ARB2A: variants seen among roughly 807,000 people sequenced by gnomAD.
ARB2A encodes cotranscriptional regulator ARB2A.
chr5:93,795,585 C>G, the ARB2A span, among the ~76,000 whole-genome samples: 2 of 152,108 alleles, frequency 1.3e-5, no homozygotes, highest in Admixed American at 6.5e-5. Flanking sequence ...TAGTCCTGCC[C>G]CCATCTGCCA....
the ARB2A span, among the ~76,000 whole-genome samples, chr5:93,969,869 T>C: frequency 6.6e-6 from 1 of 152,068 alleles, no homozygotes; most frequent in Non-Finnish European, 1.5e-5. Flanking sequence ...TTCTAGCTAG[T>C]TATAATTTAA....
the ARB2A span, among the ~76,000 whole-genome samples, chr5:93,897,853 T>C: frequency 6.6e-6 from 1 of 151,918 alleles, no homozygotes; most frequent in Admixed American, 6.6e-5. Flanking sequence ...ATACAAAATG[T>C]ATAAGGCATA....
At chr5:93,952,575 C>A in the ARB2A span, among the ~76,000 whole-genome samples, 1 of 152,156 alleles carries the variant, frequency 6.6e-6, no homozygotes. Flanking sequence ...TGTTTATTTT[C>A]TCTTGCTGCT....
chr5:93,702,651 G>A, the ARB2A span, among the ~76,000 whole-genome samples: 1 of 152,140 alleles, frequency 6.6e-6, no homozygotes, highest in Non-Finnish European at 1.5e-5. Context: ...ATCCACTAAT[G>A]GAAGGGTTGG....
chr5:94,048,081 G>T, the ARB2A span, among the ~76,000 whole-genome samples: 1 of 99,828 alleles, frequency 1.0e-5, no homozygotes, highest in African/African-American at 3.9e-5. Context: ...TTGAGACAGA[G>T]TCTTACTGTG....
the ARB2A span, among the ~76,000 whole-genome samples, chr5:93,949,327 C>T: frequency 6.6e-6 from 1 of 151,868 alleles, no homozygotes; most frequent in African/African-American, 2.4e-5. Flanking sequence ...CTTTGGGAGG[C>T]CGAGACGGGC....
the ARB2A span, among the ~76,000 whole-genome samples, chr5:93,825,439 A>G: frequency 5.3e-5 from 8 of 152,222 alleles, no homozygotes; most frequent in African/African-American, 1.9e-4. Context: ...GACTGTCCCC[A>G]TAAACTTTTT....
the ARB2A span, among the ~76,000 whole-genome samples, chr5:94,058,147 T>A: frequency 3.8e-4 from 57 of 151,832 alleles, no homozygotes; most frequent in African/African-American, 1.3e-3. Context: ...AACTGTCATA[T>A]CAAAGATTAA....
chr5:93,971,815 C>T, the ARB2A span, among the ~76,000 whole-genome samples: 1 of 151,974 alleles, frequency 6.6e-6, no homozygotes, highest in East Asian at 1.9e-4. Flanking sequence ...GATAGTGCCC[C>T]ACCAGGTCTC....
At chr5:94,102,987 C>G in the ARB2A span, among the ~76,000 whole-genome samples, 1 of 152,026 alleles carries the variant, frequency 6.6e-6, no homozygotes, top group East Asian at 1.9e-4. Flanking sequence ...TCACTACCAC[C>G]AGACCTGCCT....
At chr5:94,041,995 G>A in the ARB2A span, among the ~76,000 whole-genome samples, 1 of 151,992 alleles carries the variant, frequency 6.6e-6, no homozygotes, top group East Asian at 1.9e-4. Context: ...GACTACAGAA[G>A]AAACAGTTCT....
the ARB2A span, among the ~76,000 whole-genome samples, chr5:93,816,549 T>C: frequency 2.6e-5 from 4 of 152,122 alleles, no homozygotes; most frequent in Non-Finnish European, 2.9e-5. Flanking sequence ...GAGTGACCAA[T>C]CTCTCAGCTA....
chr5:94,023,887 T>C, the ARB2A span, among the ~76,000 whole-genome samples: 2 of 152,158 alleles, frequency 1.3e-5, no homozygotes, highest in African/African-American at 4.8e-5. Context: ...TGTCGTGCCA[T>C]AGTGTGCTGA....
chr5:93,843,417 CTTTTTTT>C, the ARB2A span, among the ~76,000 whole-genome samples: 1 of 120,610 alleles, frequency 8.3e-6, no homozygotes, highest in Admixed American at 8.6e-5. Flanking sequence ...AACAAGGATA[CTTTTTTT>C]TTTTTTTTTT....
At chr5:93,945,340 G>A in the ARB2A span, among the ~76,000 whole-genome samples, 4 of 151,742 alleles carry the variant, frequency 2.6e-5, no homozygotes, top group African/African-American at 9.7e-5. Context: ...GCTTGAACCT[G>A]GGAGGTGGAG....
chr5:93,988,719 A>G, the ARB2A span, among the ~76,000 whole-genome samples: 3 of 152,216 alleles, frequency 2.0e-5, no homozygotes, highest in Admixed American at 6.5e-5. Flanking sequence ...TAATAATAGT[A>G]GCAAACATTT....
chr5:93,652,466 C>A, the ARB2A span, among the ~76,000 whole-genome samples: 1 of 152,074 alleles, frequency 6.6e-6, no homozygotes, highest in Non-Finnish European at 1.5e-5. Context: ...TATCAGTTGC[C>A]ATCAGAGTTG....
At chr5:93,887,087 A>G in the ARB2A span, among the ~76,000 whole-genome samples, 2 of 151,738 alleles carry the variant, frequency 1.3e-5, no homozygotes, top group Admixed American at 1.3e-4. Context: ...ATCATAACAC[A>G]GGGTAATTAA....
chr5:93,712,580 C>CAA, the ARB2A span, among the ~76,000 whole-genome samples: 1 of 152,042 alleles, frequency 6.6e-6, no homozygotes, highest in African/African-American at 2.4e-5. Flanking sequence ...AAATCTAAAA[C>CAA]AAGTTTTAGC....
Sources: gnomAD v4.1 joint callset for allele counts (sites outside exome capture counted in the v4.1 genomes callset) on GRCh38, gnomAD v4.1.1 for gene constraint, MANE v1.5 for transcripts, NCBI Gene and HGNC (gene_info 2026-07-23, HGNC 2026-07-21) for gene names.